The following CAAP1 variants were observed in gnomAD, a reference collection of about 807,000 sequenced individuals.
The protein encoded by CAAP1 is conserved anti-apoptotic protein.
CAAP1 carries 20 observed loss-of-function variants against 34.0 expected under a neutral mutation model. The ratio of observed to expected loss-of-function variants is 0.59; its 90% CI spans 0.41 to 0.86. The LOEUF (loss-of-function observed/expected upper bound fraction) is 0.86, where lower values mean the gene tolerates loss of function less well. Ranked by LOEUF, CAAP1 falls within the 40% of genes least tolerant of loss-of-function variation. CAAP1 has a pLI of 0.00. For synonymous variants in CAAP1, 213 were observed against 166.7 expected (o/e 1.28, Z -2.14); for missense variants, 538 against 450.5 (o/e 1.19, Z -1.76).
chr9:26,842,573 C>T lies in CAAP1; in HGVS notation c.814G>A (p.Glu272Lys), dbSNP rs370258315. ...YDSDIEGPCN[E>K]EAAAPEAPEN... is the part of the protein sequence containing the mutation. ...GGTGCCTCGGGAGCAGCTGCTTCTT[C>T]GTTGCATGGGCCTTCTATGTCGCTG... The change falls in exon 6 of 6, where the codon GAA becomes AAA. Residue 272 changes from glutamate (E) to lysine (K), a missense_variant. Physicochemically the swap from Glu to Lys is moderately conservative, Grantham distance 56. Around this residue, in one of 3 missense-constraint regions of CAAP1, gnomAD observed 514 missense variants for 408.4 expected, o/e 1.26. Coordinates refer to ENST00000333916, the MANE Select transcript of CAAP1 (RefSeq NM_024828.4). The T allele has an allele frequency of 8.1e-6, 13 of 1,614,016 alleles. No homozygotes were observed. The highest frequency in any genetic ancestry group is 1.6e-4 in the Middle Eastern group (1 of 6,082).
chr9:26,886,732 G>C (rs1014113387), intron 2 of CAAP1, among the ~76,000 whole-genome samples: 4 of 152,158 alleles, frequency 2.6e-5, no homozygotes, highest in Non-Finnish European at 5.9e-5. Context: ...AAGATTGTAT[G>C]TCCAATTTAG....
chr9:26,858,551 G>A (rs1021795401), intron 5 of CAAP1, among the ~76,000 whole-genome samples: 13 of 152,098 alleles, frequency 8.5e-5, no homozygotes, highest in East Asian at 5.8e-4. Flanking sequence ...GGCTGGGTGC[G>A]GTGGCTCACG....
At chr9:26,873,476 G>C (rs1823329311) in intron 4 of CAAP1, among the ~76,000 whole-genome samples, 1 of 152,042 alleles carries the variant, frequency 6.6e-6, no homozygotes, top group South Asian at 2.1e-4. Context: ...TTTCCCTACA[G>C]TATACTTTTA....
intron 4 of CAAP1, among the ~76,000 whole-genome samples, chr9:26,877,572 G>A (rs912566433): frequency 1.3e-5 from 2 of 152,070 alleles, no homozygotes; most frequent in Non-Finnish European, 2.9e-5. Flanking sequence ...AGGAGCAAGG[G>A]TTCAATTTCA....
chr9:26,866,008 G>A (rs12348686), intron 4 of CAAP1, among the ~76,000 whole-genome samples: 3,376 of 152,020 alleles, frequency 0.022, 126 homozygotes, highest in African/African-American at 0.077. Flanking sequence ...CACTATACCC[G>A]GTTAATTTTT....
rs187148569 is a variant in CAAP1, at chr9:26,869,374, T to C, written c.666-8235A>G. Among the ~76,000 whole-genome samples the C allele has an allele frequency of 4.4e-4, 67 of 152,274 alleles. No individual in the cohort carries two copies. In the East Asian group the frequency reaches 0.012, roughly 26 times the overall value. On this transcript the variant is annotated intron_variant, in intron 4 of 5. Coordinates refer to ENST00000333916, the MANE Select transcript of CAAP1 (RefSeq NM_024828.4). Reference sequence around the variant, plus strand: ...TTAAAATTAAAAACACATCTTTAATTCACCAATCTTTGGATATGGGGCCAT... The same window carrying C: ...TTAAAATTAAAAACACATCTTTAATCCACCAATCTTTGGATATGGGGCCAT...
At chr9:26,854,735 C>T (rs1180081381) in intron 5 of CAAP1, among the ~76,000 whole-genome samples, 1 of 152,128 alleles carries the variant, frequency 6.6e-6, no homozygotes, top group Non-Finnish European at 1.5e-5. Flanking sequence ...TTAAAATGCA[C>T]AAATGATCTG....
intron 3 of CAAP1, among the ~76,000 whole-genome samples, chr9:26,885,166 T>C (rs1823705318): frequency 7.2e-6 from 1 of 139,778 alleles, no homozygotes; most frequent in South Asian, 2.5e-4. Context: ...AACCTCCACC[T>C]CCCGGGTTCT....
At chr9:26,863,723 T>A (rs1178982294) in intron 4 of CAAP1, among the ~76,000 whole-genome samples, 1 of 150,128 alleles carries the variant, frequency 6.7e-6, no homozygotes, top group Non-Finnish European at 1.5e-5. Context: ...CCAAAGCCAG[T>A]TTGGGTTAAG....
intron 5 of CAAP1, among the ~76,000 whole-genome samples, chr9:26,860,236 G>T (rs991811732): frequency 6.6e-6 from 1 of 152,108 alleles, no homozygotes; most frequent in African/African-American, 2.4e-5. Context: ...ATAAAAAGAA[G>T]TAAAAAAGGC....
chr9:26,844,379 C>G (rs1483623260), intron 5 of CAAP1, among the ~76,000 whole-genome samples: 1 of 151,994 alleles, frequency 6.6e-6, no homozygotes, highest in African/African-American at 2.4e-5. Context: ...AAAATAAGTG[C>G]TAAGTTGTTC....
chr9:26,887,849 T>C (rs182177212), intron 1 of CAAP1, among the ~76,000 whole-genome samples: 234 of 152,324 alleles, frequency 1.5e-3, no homozygotes, highest in African/African-American at 5.4e-3. Flanking sequence ...AAAAGCTCTA[T>C]GTATGCATTA....
intron 5 of CAAP1, among the ~76,000 whole-genome samples, chr9:26,856,131 G>GT (rs1024156759): frequency 6.7e-6 from 1 of 149,870 alleles, no homozygotes; most frequent in South Asian, 2.1e-4. Context: ...TTTTAAAAGG[G>GT]GGGGGGTAGA....
At chr9:26,891,864 T>C (rs1823911508) in intron 1 of CAAP1, among the ~76,000 whole-genome samples, 1 of 152,260 alleles carries the variant, frequency 6.6e-6, no homozygotes, top group South Asian at 2.1e-4. Context: ...ATTCATTTGT[T>C]TTCAAACAAA....
intron 1 of CAAP1, chr9:26,892,203 A>G (rs2131349447): frequency 1.5e-6 from 2 of 1,352,670 alleles, no homozygotes; most frequent in South Asian, 1.5e-5. Flanking sequence ...AGTGATCAGG[A>G]AATCCAGAAA....
chr9:26,842,966 T>A (rs1219619549), intron 5 of CAAP1, among the ~76,000 whole-genome samples: 2 of 152,222 alleles, frequency 1.3e-5, no homozygotes, highest in Non-Finnish European at 2.9e-5. Context: ...CAGTAAAGCT[T>A]CTGCACTACA....
chr9:26,871,837 T>C (rs6475946), intron 4 of CAAP1, among the ~76,000 whole-genome samples: 44,181 of 145,468 alleles, frequency 0.3, 7,741 homozygotes, highest in East Asian at 0.75. Context: ...TCACTTGAAC[T>C]TGGGAGGCGG....
chr9:26,862,873 CAT>C (rs1169873419), intron 4 of CAAP1, among the ~76,000 whole-genome samples: 1 of 151,698 alleles, frequency 6.6e-6, no homozygotes, highest in Non-Finnish European at 1.5e-5. Flanking sequence ...CACAATGTAA[CAT>C]ATAGTGAAAA....
chr9:26,861,433 G>C (rs2131310464), intron 4 of CAAP1, among the ~76,000 whole-genome samples: 1 of 152,292 alleles, frequency 6.6e-6, no homozygotes, highest in Admixed American at 6.5e-5. Flanking sequence ...CAGGGTAGCT[G>C]ATAGGAGAAA....
Sources: gnomAD v4.1 joint callset for allele counts (sites outside exome capture counted in the v4.1 genomes callset) on GRCh38, gnomAD v4.1.1 for gene constraint, gnomAD v4.1.1 regional missense constraint, MANE v1.5 for transcripts, NCBI Gene and HGNC (gene_info 2026-07-23, HGNC 2026-07-21) for gene names.